Variants in PSD4 observed in about 807,000 individuals in gnomAD.
PSD4 encodes the protein pleckstrin and Sec7 domain containing 4.
PSD4 carries 59 observed loss-of-function variants against 112.5 expected under a neutral mutation model. The ratio of observed to expected loss-of-function variants is 0.52; its 90% confidence interval spans 0.43 to 0.65. The LOEUF (loss-of-function observed/expected upper bound fraction) is 0.65. Among genes scored for constraint, PSD4 ranks in the 30% least tolerant of loss-of-function variants. The pLI, the probability that PSD4 is intolerant of heterozygous loss-of-function variation, is 0.00. For synonymous variants in PSD4, 533 were observed against 540.0 expected (o/e 0.99, Z 0.18); for missense variants, 1,267 against 1,352.6 (o/e 0.94, Z 0.99).
chr2:113,184,935 T>C (rs1237500484), intron 2 of PSD4, 22 bp from the exon 3 acceptor site: 1 of 1,613,478 alleles, frequency 6.2e-7, no homozygotes, highest in Non-Finnish European at 8.5e-7. Flanking sequence ...TTCTCTCCTC[T>C]GTCTCTCTCT....
At chr2:113,183,969 T>C (rs913005460) in intron 2 of PSD4, among the ~76,000 whole-genome samples, 1 of 152,230 alleles carries the variant, frequency 6.6e-6, no homozygotes, top group African/African-American at 2.4e-5. Flanking sequence ...TCTCTCTTCT[T>C]GACAGATTTC....
At chr2:113,181,424 G>A (rs906443128) in intron 1 of PSD4, among the ~76,000 whole-genome samples, 3 of 152,178 alleles carry the variant, frequency 2.0e-5, no homozygotes, top group Admixed American at 6.5e-5. Flanking sequence ...CCGTGTAAGC[G>A]GTGGGCTGCA....
Position 113,192,534 on chromosome 2 carries a change from C to CTCTA in PSD4, c.1786_1789dup (p.Arg597LeufsTer10). 1.2e-6 allele frequency: 2 copies of CTCTA among 1,614,226 alleles called. No individual in the cohort carries two copies. The highest frequency in any genetic ancestry group is 2.2e-5 in the South Asian group (2 of 91,092). The stretch of plus-strand genomic sequence containing the variant: ...GGTAGCCTGGAACTTGGCCTCACGC[C>CTCTA]TCTATCGCCTGGAGGGCTTCCGGAA... On this transcript the variant is annotated frameshift_variant, in exon 6 of 17. Coordinates refer to ENST00000245796, the MANE Select transcript of PSD4 (RefSeq NM_012455.3). LOFTEE classifies it high-confidence loss of function.
In PSD4 at chr2:113,192,608, G is replaced by A. The variant is rs1464724273; in HGVS notation, c.1838+19G>A. 6.2e-7 allele frequency: 1 copy of A among 1,611,564 alleles called. No individual in the cohort carries two copies. The highest frequency in any genetic ancestry group is 2.2e-5 in the East Asian group (1 of 44,856). On this transcript the variant is annotated intron_variant, in intron 6 of 16. Coordinates refer to ENST00000245796, the MANE Select transcript of PSD4 (RefSeq NM_012455.3). ...AGAAGAAGTAAGGGGCTTTGAGCCT[G>A]GGGAAGGCTGGAGGCTGAGGCAGCC...
At chr2:113,198,995 G>T in intron 15 of PSD4, 88 bp from the exon 16 acceptor site, 1 of 1,520,340 alleles carries the variant, frequency 6.6e-7, no homozygotes, top group South Asian at 1.2e-5. Flanking sequence ...CCTGGGAACC[G>T]AGGCGGCCAG....
At chr2:113,175,711 G>A (rs767054799) in intron 1 of PSD4, among the ~76,000 whole-genome samples, 2 of 152,212 alleles carry the variant, frequency 1.3e-5, no homozygotes, top group Non-Finnish European at 2.9e-5. Flanking sequence ...ACAGAGACAG[G>A]CACCCTCCGG....
intron 1 of PSD4, among the ~76,000 whole-genome samples, chr2:113,178,891 C>T (rs45576937): frequency 2.6e-5 from 4 of 152,216 alleles, no homozygotes; most frequent in South Asian, 4.1e-4. Context: ...TTTACAGAGA[C>T]GTGGAGGGTG....
At chr2:113,189,726 T>C (rs1688399490) in intron 5 of PSD4, among the ~76,000 whole-genome samples, 1 of 152,236 alleles carries the variant, frequency 6.6e-6, no homozygotes, top group Admixed American at 6.5e-5. Context: ...TCAGGTGTTA[T>C]TGCAGTGTGG....
At chr2:113,177,022 A>G (rs1687998698) in intron 1 of PSD4, among the ~76,000 whole-genome samples, 2 of 152,244 alleles carry the variant, frequency 1.3e-5, no homozygotes, top group Non-Finnish European at 2.9e-5. Context: ...ACACAGTTAC[A>G]CAGTGCCCCC....
intron 10 of PSD4, among the ~76,000 whole-genome samples, 153 bp downstream of exon 10, chr2:113,194,101 C>A (rs1573371980): frequency 1.3e-5 from 2 of 152,150 alleles, no homozygotes; most frequent in East Asian, 1.9e-4. Context: ...AAGTGTATTC[C>A]CTGGCGGGCA....
At position 113,185,083 on chromosome 2, in the gene PSD4, T is replaced by C. The variant is rs373777966; in HGVS notation, c.1173+10T>C. 10 of 1,613,972 alleles carry C rather than the reference T, an allele frequency of 6.2e-6. No homozygotes were observed. The African/African-American group carries it at 1.2e-4, about 19-fold the overall frequency. On this transcript the variant is annotated intron_variant, in intron 3 of 16. Transcript: ENST00000245796. ...TCCTGTGCAACCTTGGGCAAGTCAC[T>C]TCCCCTTTCTGGGCCTTACTTTCTC...
chr2:113,184,565 G>T (rs1371068946), intron 2 of PSD4, among the ~76,000 whole-genome samples: 1 of 151,932 alleles, frequency 6.6e-6, no homozygotes, highest in Non-Finnish European at 1.5e-5. Context: ...GTAGAGATAG[G>T]TTTCACCATG....
intron 14 of PSD4, 165 bp from the exon 15 acceptor site, chr2:113,198,575 T>C: frequency 1.3e-6 from 1 of 770,456 alleles, no homozygotes; most frequent in South Asian, 3.0e-5. Flanking sequence ...TGATAAGAAA[T>C]GCCACGGTCA....
In PSD4 at chr2:113,184,946, C is replaced by G; in HGVS notation, c.1057-11C>G. 6.2e-7 allele frequency: 1 copy of G among 1,613,926 alleles called. No individual in the cohort carries two copies. The highest frequency in any genetic ancestry group is 8.5e-7 in the Non-Finnish European group (1 of 1,179,984). On this transcript the variant is annotated splice_polypyrimidine_tract_variant and intron_variant, in intron 2 of 16. Transcript: ENST00000245796. ...CTCCTTCTCTCCTCTGTCTCTCTCTCGACTTCTCAGGGAGATAGGCTTGGT... is the reference window on the plus strand; with the variant it reads ...CTCCTTCTCTCCTCTGTCTCTCTCTGGACTTCTCAGGGAGATAGGCTTGGT...
chr2:113,181,872 T>G (rs1365320531), intron 1 of PSD4, among the ~76,000 whole-genome samples: 1 of 152,234 alleles, frequency 6.6e-6, no homozygotes, highest in Non-Finnish European at 1.5e-5. Flanking sequence ...CGTGGGTGCC[T>G]GCTTCTTCCA....
At chr2:113,198,278 T>A (rs1457754715) in intron 14 of PSD4, 3 of 245,610 alleles carry the variant, frequency 1.2e-5, no homozygotes, top group African/African-American at 6.7e-5. Context: ...TATTTTTTAT[T>A]GTTTATTTTT....
chr2:113,195,905 G>A, intron 11 of PSD4, 135 bp downstream of exon 11: 2 of 1,285,910 alleles, frequency 1.6e-6, no homozygotes, highest in Non-Finnish European at 2.2e-6. Context: ...GCCAGAGGCA[G>A]GGCTCTGGGG....
chr2:113,201,563 C>A lies in PSD4; in HGVS notation c.*148C>A, dbSNP rs1198085663. The A allele has an allele frequency of 8.6e-7, 1 of 1,166,852 alleles. No homozygotes were observed. Among genetic ancestry groups the A allele is most frequent in the Non-Finnish European group, 1.2e-6 (1 of 839,500 alleles). The allele number at this position is 1,166,852 out of a possible 1,614,324, so 72.3% of individuals were successfully genotyped here. A position where few individuals can be genotyped will look rare whatever the true frequency, so the allele number is the denominator to read the frequency against. On this transcript the variant is annotated 3_prime_UTR_variant, in exon 17 of 17. Coordinates refer to ENST00000245796, the MANE Select transcript of PSD4 (RefSeq NM_012455.3). Reference sequence around the variant, plus strand: ...AGGACAAACCTTGTTTCCCTGTGGCCCTCATTCTTGTGCTCCCTGAAGCTT... The same window carrying A: ...AGGACAAACCTTGTTTCCCTGTGGCACTCATTCTTGTGCTCCCTGAAGCTT...
At chr2:113,198,013 T>A in intron 14 of PSD4, 100 bp downstream of exon 14, 1 of 1,308,218 alleles carries the variant, frequency 7.6e-7, no homozygotes, top group Non-Finnish European at 1.0e-6. Flanking sequence ...CCCCAGGGGG[T>A]CCTGGTGGGA....
Sources: allele counts gnomAD v4.1 joint callset (sites outside exome capture counted in the v4.1 genomes callset), GRCh38; gene constraint gnomAD v4.1.1; transcripts MANE v1.5; gene names NCBI Gene and HGNC (gene_info 2026-07-23, HGNC 2026-07-21).